Variants in ERBB4 observed in about 807,000 individuals in gnomAD.
The protein encoded by ERBB4 is receptor tyrosine-protein kinase erbB-4.
ERBB4 carries 42 observed loss-of-function variants against 158.0 expected under a neutral mutation model. The ratio of observed to expected loss-of-function variants is 0.27; its 90% CI spans 0.21 to 0.34. ERBB4 has a LOEUF of 0.34. Ranked by LOEUF, ERBB4 falls within the 10% of genes least tolerant of loss-of-function variation. ERBB4 has a pLI of 1.00. For missense variants in ERBB4, 1,333 were observed against 1,624.1 expected (o/e 0.82, Z 3.08); for synonymous variants, 583 against 558.7 (o/e 1.04, Z -0.61).
Position 212,255,592 on chromosome 2 carries a change from T to G in ERBB4, c.83-130689A>C, listed in dbSNP as rs539385605. On this transcript the variant is annotated intron_variant, in intron 1 of 27. Transcript: ENST00000342788. ...GTACTTCAGAGCTTCAGATTTTAGG[T>G]TTTTGGTGTGTGTGTGTTTTTTTTA... Among the ~76,000 whole-genome samples the G allele has an allele frequency of 4.3e-4, 66 of 152,172 alleles. 5 individuals carry two copies. In the South Asian group the frequency reaches 0.013, roughly 31 times the overall value.
At chr2:211,944,734 A>G (rs1429038364) in intron 3 of ERBB4, among the ~76,000 whole-genome samples, 2 of 152,298 alleles carry the variant, frequency 1.3e-5, no homozygotes, top group East Asian at 3.9e-4. Context: ...AATCATCAAC[A>G]TCACTAGAGG....
chr2:212,095,006 G>A (rs1297553319), intron 2 of ERBB4, among the ~76,000 whole-genome samples: 1 of 151,024 alleles, frequency 6.6e-6, no homozygotes, highest in Non-Finnish European at 1.5e-5. Context: ...TTCTGATACT[G>A]TTTTTTTTTC....
intron 3 of ERBB4, among the ~76,000 whole-genome samples, chr2:211,875,049 A>AAAAAAAAAAAT: frequency 8.9e-6 from 1 of 112,790 alleles, no homozygotes; most frequent in Non-Finnish European, 2.1e-5. Context: ...AAAAAAAAAA[A>AAAAAAAAAAAT]ACAAACTCAA....
chr2:211,886,614 G>A (rs1412225264), intron 3 of ERBB4, among the ~76,000 whole-genome samples: 1 of 152,172 alleles, frequency 6.6e-6, no homozygotes, highest in Non-Finnish European at 1.5e-5. Context: ...AACGAAAATA[G>A]AAGGTATCTT....
chr2:212,124,843 G>T lies in ERBB4; in HGVS notation c.143C>A (p.Ala48Asp), dbSNP rs2125571236. ...SLSDLEQQYR[A>D]LRKYYENCEV... Reference sequence around the variant, plus strand: ...ACAGTTTTCATAGTACTTGCGCAAGGCTCGGTACTGCTGTTCCAGGTCAGA... The same window carrying T: ...ACAGTTTTCATAGTACTTGCGCAAGTCTCGGTACTGCTGTTCCAGGTCAGA... The change falls in exon 2 of 28, where the codon GCC becomes GAC. Residue 48 changes from alanine to aspartate, a missense_variant. Transcript: ENST00000342788. The T allele has an allele frequency of 6.2e-7, 1 of 1,614,070 alleles. No individual in the cohort carries two copies.
intron 16 of ERBB4, 88 bp from the exon 17 acceptor site, chr2:211,630,682 A>G (rs2070083897): frequency 8.4e-7 from 1 of 1,192,818 alleles, no homozygotes; most frequent in Non-Finnish European, 1.2e-6. Flanking sequence ...ACAAGACATT[A>G]TCCACATTTC....
intron 5 of ERBB4, among the ~76,000 whole-genome samples, chr2:211,740,706 G>T (rs1360821850): frequency 6.8e-6 from 1 of 146,064 alleles, no homozygotes; most frequent in Non-Finnish European, 1.5e-5. Context: ...CGCTTACAGG[G>T]TTTATGCCAT....
At chr2:212,376,814 C>A (rs895272681) in intron 1 of ERBB4, among the ~76,000 whole-genome samples, 1 of 151,962 alleles carries the variant, frequency 6.6e-6, no homozygotes, top group Non-Finnish European at 1.5e-5. Flanking sequence ...AGAAGCAAAG[C>A]TTATATTTTT....
intron 19 of ERBB4, among the ~76,000 whole-genome samples, chr2:211,572,789 T>C (rs2067768484): frequency 6.6e-6 from 1 of 152,248 alleles, no homozygotes; most frequent in Admixed American, 6.5e-5. Context: ...TGTTTCCTAC[T>C]GGGATCCTTC....
intron 25 of ERBB4, among the ~76,000 whole-genome samples, chr2:211,413,034 G>A (rs1013754466): frequency 1.4e-4 from 22 of 151,874 alleles, no homozygotes; most frequent in South Asian, 2.1e-4. Flanking sequence ...TGTGGCTCAC[G>A]CTTGTAATCC....
At chr2:211,840,589 T>C (rs1437862164) in intron 3 of ERBB4, among the ~76,000 whole-genome samples, 1 of 152,116 alleles carries the variant, frequency 6.6e-6, no homozygotes, top group Non-Finnish European at 1.5e-5. Context: ...TTCAGAACTA[T>C]TGAGGAAAAC....
chr2:211,760,505 T>C (rs1388155257), intron 4 of ERBB4, among the ~76,000 whole-genome samples: 1 of 152,198 alleles, frequency 6.6e-6, no homozygotes, highest in African/African-American at 2.4e-5. Flanking sequence ...GCTATGATAT[T>C]TAATAGGATC....
chr2:212,344,476 ATGTGTG>A (rs58499972), intron 1 of ERBB4, among the ~76,000 whole-genome samples: 9 of 121,416 alleles, frequency 7.4e-5, no homozygotes, highest in East Asian at 4.7e-4. Flanking sequence ...GTGTGTATAT[ATGTGTG>A]TGTGTGTGTG....
chr2:211,531,423 A>C (rs981873444), intron 20 of ERBB4, among the ~76,000 whole-genome samples: 4 of 152,054 alleles, frequency 2.6e-5, no homozygotes, highest in Admixed American at 6.6e-5. Context: ...CCATCTGACA[A>C]GGGATTAATA....
At chr2:212,384,906 TATATATATATATATAC>T (rs892053796) in intron 1 of ERBB4, among the ~76,000 whole-genome samples, 1 of 139,318 alleles carries the variant, frequency 7.2e-6, no homozygotes, top group Non-Finnish European at 1.5e-5. Flanking sequence ...TATATATATA[TATATATATATATATAC>T]ACACACACAC....
chr2:212,127,169 T>G (rs1419748900), intron 1 of ERBB4, among the ~76,000 whole-genome samples: 1 of 152,188 alleles, frequency 6.6e-6, no homozygotes, highest in Non-Finnish European at 1.5e-5. Context: ...ATGAGGTAGG[T>G]CATTTGGGTG....
intron 19 of ERBB4, among the ~76,000 whole-genome samples, chr2:211,592,534 G>A (rs1330732260): frequency 6.6e-6 from 1 of 152,154 alleles, no homozygotes; most frequent in Non-Finnish European, 1.5e-5. Flanking sequence ...GTGAATGATT[G>A]ATTGCTGCAA....
At chr2:211,677,527 C>A (rs1479446860) in intron 13 of ERBB4, among the ~76,000 whole-genome samples, 1 of 149,952 alleles carries the variant, frequency 6.7e-6, no homozygotes, top group African/African-American at 2.5e-5. Flanking sequence ...CAGGCCATTG[C>A]ACTCCAGCCT....
chr2:211,787,929 A>C lies in ERBB4; in HGVS notation c.556+96T>G, dbSNP rs1444465697. 19 of 1,252,480 alleles carry C rather than the reference A, an allele frequency of 1.5e-5. No individual in the cohort carries two copies. The South Asian group carries it at 2.2e-4, about 15-fold the overall frequency. 77.6% of individuals were successfully genotyped at this position (1,252,480 alleles called of 1,614,324 possible). On this transcript the variant is annotated intron_variant, in intron 4 of 27. Transcript: ENST00000342788. ...TGAACATTTCAATGAATGCAATCAAAGTTCAAAATATTAGTAATGACATAA... is the reference window on the plus strand; with the variant it reads ...TGAACATTTCAATGAATGCAATCAACGTTCAAAATATTAGTAATGACATAA...
Sources: gnomAD v4.1 joint callset for allele counts (sites outside exome capture counted in the v4.1 genomes callset) on GRCh38, gnomAD v4.1.1 for gene constraint, MANE v1.5 for transcripts, NCBI Gene and HGNC (gene_info 2026-07-23, HGNC 2026-07-21) for gene names.